PFKFB2: variants seen among roughly 807,000 people sequenced by gnomAD.
The protein encoded by PFKFB2 is 6-phosphofructo-2-kinase/fructose-2,6-bisphosphatase 2.
A neutral mutation model predicts 68.0 loss-of-function variants in PFKFB2; 53 were observed. The observed-to-expected ratio is 0.78, with a 90% CI of 0.63 to 0.98. The LOEUF (loss-of-function observed/expected upper bound fraction) is 0.98, where lower values mean the gene tolerates loss of function less well. PFKFB2 is among the 50% of genes least tolerant of loss of function. PFKFB2 has a pLI of 0.00. For synonymous variants in PFKFB2, 222 were observed against 227.6 expected (o/e 0.98, Z 0.22); for missense variants, 451 against 642.0 (o/e 0.70, Z 3.22).
intron 1 of PFKFB2, among the ~76,000 whole-genome samples, chr1:207,041,101 G>C (rs1682471205): frequency 6.6e-6 from 1 of 151,654 alleles, no homozygotes; most frequent in African/African-American, 2.4e-5. Flanking sequence ...GCTACTTTTT[G>C]TATTTTTAGT....
chr1:207,055,410 CCTGT>C (rs1227971120), intron 2 of PFKFB2, among the ~76,000 whole-genome samples: 5 of 152,062 alleles, frequency 3.3e-5, no homozygotes. Flanking sequence ...CATTTCTATG[CCTGT>C]CTTTTAGATA....
rs1227612875 is a variant in PFKFB2 at position 207,063,762 on chromosome 1, T to C, written c.451-11T>C. The C allele has an allele frequency of 5.0e-6, 8 of 1,612,864 alleles. No individual in the cohort carries two copies. The highest frequency in any genetic ancestry group is 6.8e-6 in the Non-Finnish European group (8 of 1,178,942). On this transcript the variant is annotated splice_polypyrimidine_tract_variant and intron_variant, in intron 6 of 14. Coordinates refer to ENST00000367080, the MANE Select transcript of PFKFB2 (RefSeq NM_006212.2). The surrounding 1 kb of genome is among the most constrained non-coding windows in gnomAD (Gnocchi z 4.1). ...TTGACTTGCTTATCACTGCCTTCTC[T>C]CCATGGCCAGGTATTCTTTGTGGAA... is the stretch of plus-strand genomic sequence containing the variant.
intron 2 of PFKFB2, chr1:207,047,189 TC>T (rs1682621034): frequency 6.6e-6 from 1 of 152,538 alleles, no homozygotes; most frequent in African/African-American, 2.4e-5. Flanking sequence ...TATCATAAGC[TC>T]ATCAGTGCTA....
chr1:207,055,046 C>A (rs1682879964), intron 2 of PFKFB2: 2 of 431,444 alleles, frequency 4.6e-6, no homozygotes, highest in Non-Finnish European at 8.5e-6. Flanking sequence ...AACTGAATCT[C>A]TGTCTCCTGG....
intron 1 of PFKFB2, among the ~76,000 whole-genome samples, chr1:207,040,134 A>G (rs1270150003): frequency 6.6e-6 from 1 of 152,110 alleles, no homozygotes; most frequent in Non-Finnish European, 1.5e-5. Context: ...ATGTCTATAC[A>G]CTCAGTGAGA....
In PFKFB2 at chr1:207,054,794, A is replaced by G; in HGVS notation, c.77A>G (p.Lys26Arg). ...ACCCCAAATCTTCGAATGTCAGAGA[A>G]GAAATGTTGTGAGTTCTGGCAGAGA... Reference protein sequence around the residue: ...TKTPNLRMSEKKCSWASYMTN... With the variant: ...TKTPNLRMSERKCSWASYMTN... Residue 26 changes from lysine to arginine, a missense_variant, in exon 2 of 15, where the codon AAG becomes AGG. By Grantham distance (26) the Lys-to-Arg change is conservative. Transcript: ENST00000367080. 1 of 1,612,484 alleles carries G rather than the reference A, an allele frequency of 6.2e-7. No individual in the cohort carries two copies. The highest frequency in any genetic ancestry group is 8.5e-7 in the Non-Finnish European group (1 of 1,178,814).
At position 207,070,503 on chromosome 1, in the gene PFKFB2, T is replaced by C; in HGVS notation, c.1222+94T>C. On this transcript the variant is annotated intron_variant, in intron 12 of 14. Transcript: ENST00000367080. The surrounding 1 kb of genome is among the most constrained non-coding windows in gnomAD (Gnocchi z 4.2). ...TTCCTGGGAAACAGACCTCCCTGTCTCCACTCAAATTAGAGTACTTTCTCC... is the reference window on the plus strand; with the variant it reads ...TTCCTGGGAAACAGACCTCCCTGTCCCCACTCAAATTAGAGTACTTTCTCC... 4 of 1,400,964 alleles carry C rather than the reference T, an allele frequency of 2.9e-6. No homozygotes were observed. The highest frequency in any genetic ancestry group is 3.9e-6 in the Non-Finnish European group (4 of 1,020,652). 86.8% of individuals were successfully genotyped at this position (1,400,964 alleles called of 1,614,324 possible).
chr1:207,052,335 G>C, upstream of PFKFB2: 1 of 1,046,930 alleles, frequency 9.6e-7, no homozygotes, highest in Non-Finnish European at 1.5e-6. Flanking sequence ...TGGGTTAGGG[G>C]GTAGGTAGGA....
At chr1:207,062,420 A>C (rs1683146436) in intron 3 of PFKFB2, 200 bp from the exon 4 acceptor site, 1 of 761,898 alleles carries the variant, frequency 1.3e-6, no homozygotes, top group Non-Finnish European at 2.1e-6. Context: ...AACCTCAGAC[A>C]GCTTAAGACT....
Position 207,075,126 on chromosome 1 carries a change from C to CTT in PFKFB2, c.*2756_*2757dup. 1.0e-6 allele frequency: 1 copy of CTT among 985,464 alleles called. No homozygotes were observed. The highest frequency in any genetic ancestry group is 1.2e-6 in the Non-Finnish European group (1 of 829,946). 61.0% of individuals were successfully genotyped at this position (985,464 alleles called of 1,614,324 possible). On this transcript the variant is annotated 3_prime_UTR_variant, in exon 15 of 15. Transcript: ENST00000367080. ...ACTTTGGATTAACACTGTACCCACT[C>CTT]TTAGCAAAAGGGGACTTCTCTAACA... is the stretch of plus-strand genomic sequence containing the variant.
chr1:207,049,698 G>C (rs776563979), upstream of PFKFB2: 1 of 1,613,898 alleles, frequency 6.2e-7, no homozygotes, highest in Admixed American at 1.7e-5. Context: ...GCCTGGTTTG[G>C]TCTTCTTCAA....
At chr1:207,049,015 AT>A, upstream of PFKFB2, 1 of 1,611,502 alleles carries the variant, frequency 6.2e-7, no homozygotes. Context: ...TCATTCATGC[AT>A]AGGTCACACT....
upstream of PFKFB2, chr1:207,052,311 C>A: frequency 7.9e-7 from 1 of 1,260,238 alleles, no homozygotes; most frequent in South Asian, 1.2e-5. Flanking sequence ...ACGACTGCAA[C>A]GGATGATACA....
chr1:207,069,363 G>T, intron 10 of PFKFB2, 61 bp from the exon 11 acceptor site: 1 of 1,090,516 alleles, frequency 9.2e-7, no homozygotes, highest in Non-Finnish European at 1.4e-6. Flanking sequence ...TTCCTTATTT[G>T]GGATGGGGCT....
At chr1:207,051,205 G>C, upstream of PFKFB2, 2 of 1,267,850 alleles carry the variant, frequency 1.6e-6, no homozygotes, top group Non-Finnish European at 2.1e-6. Flanking sequence ...CCTATAGAGC[G>C]AGTGAGGTGC....
At position 207,073,217 on chromosome 1, in the gene PFKFB2, G is replaced by A. The variant is rs1262060163; in HGVS notation, c.*846G>A. 9.1e-6 allele frequency: 9 copies of A among 985,538 alleles called. No homozygotes were observed. In the African/African-American group the frequency reaches 1.4e-4, roughly 15 times the overall value. The allele number at this position is 985,538 out of a possible 1,614,324, so 61.0% of individuals were successfully genotyped here. Reference sequence around the variant, plus strand: ...TGTCTTGGTTTTTATTTTTAATTTAGAGTCAGGCCTGGGTCTTTTGAGGTC... The same window carrying A: ...TGTCTTGGTTTTTATTTTTAATTTAAAGTCAGGCCTGGGTCTTTTGAGGTC... On this transcript the variant is annotated 3_prime_UTR_variant, in exon 15 of 15. Transcript: ENST00000367080.
At chr1:207,055,622 GTTC>G (rs1156794836) in intron 2 of PFKFB2, among the ~76,000 whole-genome samples, 2 of 147,168 alleles carry the variant, frequency 1.4e-5, no homozygotes. Context: ...CTGTCAGTCA[GTTC>G]TTCTCACTTC....
chr1:207,070,525 C>G lies in PFKFB2; in HGVS notation c.1222+116C>G. On this transcript the variant is annotated intron_variant, in intron 12 of 14. Transcript: ENST00000367080. This position sits in a 1 kb window ranked among gnomAD's most constrained non-coding sequence, Gnocchi z 4.2. ...GTCTCCACTCAAATTAGAGTACTTT[C>G]TCCAGACAGCAGTGTGGGGCTCCCA... The G allele has an allele frequency of 1.7e-6, 2 of 1,143,342 alleles. No individual in the cohort carries two copies. The highest frequency in any genetic ancestry group is 2.5e-6 in the Non-Finnish European group (2 of 812,396). 70.8% of individuals were successfully genotyped at this position (1,143,342 alleles called of 1,614,324 possible). A position where few individuals can be genotyped will look rare whatever the true frequency, so the allele number is the denominator to read the frequency against.
chr1:207,079,286 G>C, downstream of PFKFB2: 2 of 539,758 alleles, frequency 3.7e-6, no homozygotes, highest in Non-Finnish European at 6.7e-6. Context: ...TGCTGAGTTT[G>C]GTCCAAGTTG....
Sources: gnomAD v4.1 joint callset for allele counts (sites outside exome capture counted in the v4.1 genomes callset) on GRCh38, gnomAD v4.1.1 for gene constraint, Gnocchi (gnomAD v3.1) non-coding constraint, MANE v1.5 for transcripts, NCBI Gene and HGNC (gene_info 2026-07-23, HGNC 2026-07-21) for gene names.